LRRC37A: variants seen among roughly 807,000 people sequenced by gnomAD.
LRRC37A encodes the protein leucine-rich repeat-containing protein 37A.
A neutral mutation model predicts 35.4 loss-of-function variants in LRRC37A; 3 were observed. The observed-to-expected ratio is 0.08, with a 90% CI of 0.04 to 0.22. LRRC37A has a LOEUF of 0.22. LRRC37A is among the 10% of genes least tolerant of loss of function. The probability of loss-of-function intolerance (pLI) is 1.00; values close to 1 mark genes in which losing one functional copy is unlikely to be tolerated. For missense variants in LRRC37A, 67 were observed against 565.3 expected (o/e 0.12, Z 8.94); for synonymous variants, 23 against 215.0 (o/e 0.11, Z 7.81).
chr17:46,258,862 C>T, the LRRC37A span, among the ~76,000 whole-genome samples: 4 of 150,846 alleles, frequency 2.7e-5, no homozygotes, highest in South Asian at 2.1e-4. Context: ...CTACAGGCGC[C>T]TGCCACCACG....
chr17:46,259,019 A>ATTTTTTTTTTTT, the LRRC37A span, among the ~76,000 whole-genome samples: 204 of 79,432 alleles, frequency 2.6e-3, 8 homozygotes, highest in Non-Finnish European at 3.6e-3. Flanking sequence ...CACCCGGCCT[A>ATTTTTTTTTTTT]TTTTTTTTTT....
chr17:46,269,147 T>C, the LRRC37A span, among the ~76,000 whole-genome samples: 2 of 152,238 alleles, frequency 1.3e-5, no homozygotes, highest in Admixed American at 1.3e-4. Flanking sequence ...CACATAACAG[T>C]AAGCGCACTA....
chr17:46,307,805 G>T (rs2050619337), intron 5 of LRRC37A, among the ~76,000 whole-genome samples: 1 of 78,836 alleles, frequency 1.3e-5, no homozygotes, highest in African/African-American at 3.2e-5. Context: ...CTGAGGTCAG[G>T]AGTTCAAGAC....
At chr17:46,250,408 C>T in the LRRC37A span, among the ~76,000 whole-genome samples, 13 of 152,188 alleles carry the variant, frequency 8.5e-5, no homozygotes, top group Non-Finnish European at 1.8e-4. Context: ...AGGGTGTTCC[C>T]AAAGGAGATT....
At chr17:46,249,420 A>C in the LRRC37A span, among the ~76,000 whole-genome samples, 3 of 152,220 alleles carry the variant, frequency 2.0e-5, no homozygotes, top group East Asian at 3.8e-4. Flanking sequence ...GGCAAATTTA[A>C]GGAGCACCTT....
the LRRC37A span, among the ~76,000 whole-genome samples, chr17:46,258,945 C>G: frequency 1.3e-4 from 20 of 149,310 alleles, no homozygotes; most frequent in African/African-American, 4.5e-4. Flanking sequence ...GTCTCGATCT[C>G]CTGACCTCGT....
chr17:46,267,113 G>A, the LRRC37A span: 2 of 448,530 alleles, frequency 4.5e-6, no homozygotes, highest in Non-Finnish European at 7.7e-6. Context: ...TTGCCGGGCG[G>A]GCATGGACGG....
the LRRC37A span, among the ~76,000 whole-genome samples, chr17:46,263,571 A>G: frequency 7.7e-4 from 115 of 148,644 alleles, no homozygotes; most frequent in Middle Eastern, 7.1e-3. Context: ...AAAAAAAAAA[A>G]AGGCTGAGCA....
upstream of LRRC37A, among the ~76,000 whole-genome samples, chr17:46,291,192 T>C (rs977750942): frequency 6.6e-6 from 1 of 152,258 alleles, no homozygotes; most frequent in Non-Finnish European, 1.5e-5. Context: ...CATATATTTT[T>C]ATAACATCGT....
chr17:46,282,014 CTA>C, the LRRC37A span, among the ~76,000 whole-genome samples: 1 of 151,992 alleles, frequency 6.6e-6, no homozygotes, highest in Non-Finnish European at 1.5e-5. Flanking sequence ...GCTTCCTTGC[CTA>C]TATATATATT....
the LRRC37A span, among the ~76,000 whole-genome samples, chr17:46,270,157 GGA>G: frequency 6.6e-6 from 1 of 152,196 alleles, no homozygotes; most frequent in Non-Finnish European, 1.5e-5. Context: ...GAATTTCACT[GGA>G]GAGAGAGCAG....
upstream of LRRC37A, among the ~76,000 whole-genome samples, chr17:46,292,031 A>T (rs1408372319): frequency 7.2e-6 from 1 of 139,154 alleles, no homozygotes; most frequent in African/African-American, 2.7e-5. Flanking sequence ...TCCAAATGAA[A>T]TTATAGAGCA....
At chr17:46,282,263 C>T in the LRRC37A span, among the ~76,000 whole-genome samples, 5 of 151,214 alleles carry the variant, frequency 3.3e-5, no homozygotes, top group East Asian at 2.0e-4. Context: ...CCACCACGCC[C>T]GCCTAATTTT....
the LRRC37A span, among the ~76,000 whole-genome samples, chr17:46,253,940 C>G: frequency 6.6e-6 from 1 of 152,212 alleles, no homozygotes; most frequent in South Asian, 2.1e-4. Flanking sequence ...AGGATTTGAA[C>G]CAACAGAGGT....
chr17:46,248,163 A>G, the LRRC37A span, among the ~76,000 whole-genome samples: 2 of 151,856 alleles, frequency 1.3e-5, no homozygotes, highest in Non-Finnish European at 2.9e-5. Flanking sequence ...AAAAACTGTA[A>G]GTTATTTTTT....
the LRRC37A span, among the ~76,000 whole-genome samples, chr17:46,280,931 A>G: frequency 6.6e-6 from 1 of 152,338 alleles, no homozygotes; most frequent in South Asian, 2.1e-4. Context: ...GAGTCCTTAC[A>G]TGACTGAAAA....
the LRRC37A span, among the ~76,000 whole-genome samples, chr17:46,279,864 A>T: frequency 6.6e-6 from 1 of 152,138 alleles, no homozygotes; most frequent in Admixed American, 6.6e-5. Flanking sequence ...TATCCCTGAC[A>T]TTCTTTGGCT....
chr17:46,282,977 G>T, the LRRC37A span, among the ~76,000 whole-genome samples: 2 of 151,902 alleles, frequency 1.3e-5, no homozygotes, highest in Non-Finnish European at 2.9e-5. Flanking sequence ...AAATTAGTCG[G>T]GTGTGATGGC....
chr17:46,253,174 C>A, the LRRC37A span, among the ~76,000 whole-genome samples: 1 of 148,332 alleles, frequency 6.7e-6, no homozygotes, highest in African/African-American at 2.4e-5. Context: ...CAGAGGCGCT[C>A]CTCACATCCC....
Sources: gnomAD v4.1 joint callset for allele counts (sites outside exome capture counted in the v4.1 genomes callset) on GRCh38, gnomAD v4.1.1 for gene constraint, MANE v1.5 for transcripts, NCBI Gene and HGNC (gene_info 2026-07-23, HGNC 2026-07-21) for gene names.